The following DAB2IP variants were observed in gnomAD, a reference collection of about 807,000 sequenced individuals.
The protein encoded by DAB2IP is disabled homolog 2-interacting protein.
Under a neutral mutation model 107.2 loss-of-function variants are expected in DAB2IP, and 28 were observed. That is an observed-to-expected ratio of 0.26 (90% confidence interval 0.19 to 0.36). DAB2IP has a LOEUF of 0.36. Among genes scored for constraint, DAB2IP ranks in the 10% least tolerant of loss-of-function variants. The pLI, the probability that DAB2IP is intolerant of heterozygous loss-of-function variation, is 1.00. For missense variants in DAB2IP, 1,400 were observed against 1,644.7 expected (o/e 0.85, Z 2.57); for synonymous variants, 755 against 706.4 (o/e 1.07, Z -1.09).
At chr9:121,670,173 A>C (rs1345553464) in intron 1 of DAB2IP, among the ~76,000 whole-genome samples, 1 of 152,174 alleles carries the variant, frequency 6.6e-6, no homozygotes, top group Admixed American at 6.5e-5. Context: ...ATCATACACT[A>C]TGTGACCTTT....
At chr9:121,723,975 C>A (rs1016790289) in intron 3 of DAB2IP, among the ~76,000 whole-genome samples, 5 of 152,146 alleles carry the variant, frequency 3.3e-5, no homozygotes, top group African/African-American at 1.2e-4. Flanking sequence ...AGTCTTTCTG[C>A]CTTGGGAGCA....
At chr9:121,655,985 G>T (rs1301655332) in intron 1 of DAB2IP, among the ~76,000 whole-genome samples, 1 of 152,020 alleles carries the variant, frequency 6.6e-6, no homozygotes, top group African/African-American at 2.4e-5. Flanking sequence ...CACCATGGGG[G>T]GTGGGTAACT....
At chr9:121,611,133 G>A (rs377640800) in intron 1 of DAB2IP, among the ~76,000 whole-genome samples, 81 of 152,160 alleles carry the variant, frequency 5.3e-4, no homozygotes, top group Middle Eastern at 3.4e-3. Flanking sequence ...CTGCCACCAC[G>A]CCCGGCTAAT....
intron 1 of DAB2IP, among the ~76,000 whole-genome samples, chr9:121,677,669 C>T (rs374915397): frequency 2.6e-5 from 4 of 152,192 alleles, no homozygotes; most frequent in Admixed American, 1.3e-4. Context: ...CCTTTCCCCC[C>T]GCTTTTTTTT....
rs574522030 is a variant in DAB2IP at position 121,773,182 on chromosome 9, G to A, written c.2654G>A (p.Arg885Gln). The A allele has an allele frequency of 4.3e-5, 68 of 1,593,094 alleles. No individual in the cohort carries two copies. The South Asian group carries it at 4.5e-4, about 11-fold the overall frequency. ...ACTGCCGCGGAGGAGCTGGCTCGGC[G>A]GCCCGGTGAGCTGGCACGGCGACAG... The change falls in exon 12 of 16, where the codon CGG becomes CAG. Residue 885 changes from arginine (R) to glutamine (Q), a missense_variant. Arg to Gln is a conservative substitution (Grantham distance 43). Transcript: ENST00000408936.
chr9:121,697,204 TA>T (rs1369630628), intron 2 of DAB2IP, among the ~76,000 whole-genome samples: 2 of 152,148 alleles, frequency 1.3e-5, no homozygotes, highest in African/African-American at 4.8e-5. Context: ...CTTTTTTGTT[TA>T]AACTCAGAAA....
chr9:121,588,417 C>T (rs1757341), intron 1 of DAB2IP, among the ~76,000 whole-genome samples: 148,653 of 151,782 alleles, frequency 0.98, 72,874 homozygotes, highest in East Asian at 1. Context: ...GAGTGCTTCC[C>T]GTCCTCCTCA....
At chr9:121,588,737 C>A (rs1026262022) in intron 1 of DAB2IP, among the ~76,000 whole-genome samples, 1 of 151,954 alleles carries the variant, frequency 6.6e-6, no homozygotes, top group Non-Finnish European at 1.5e-5. Context: ...AGCTGGGATG[C>A]CCCTTCAGAG....
intron 2 of DAB2IP, among the ~76,000 whole-genome samples, chr9:121,693,466 T>A (rs60052709): frequency 1.1e-3 from 175 of 152,346 alleles, no homozygotes; most frequent in African/African-American, 4.0e-3. Context: ...TTTATTTAGA[T>A]GTGCTTTTGG....
At chr9:121,768,889 G>A (rs940514792) in intron 10 of DAB2IP, among the ~76,000 whole-genome samples, 63 of 152,240 alleles carry the variant, frequency 4.1e-4, no homozygotes, top group African/African-American at 1.5e-3. Flanking sequence ...TCAGCCTTTA[G>A]TGGACAAGCG....
At chr9:121,783,999 G>T (rs1382105814) in exon 16 of DAB2IP, 2 of 216,086 alleles carry the variant, frequency 9.3e-6, no homozygotes, top group Middle Eastern at 2.0e-3. Context: ...CAGCTGGAAT[G>T]TGCCACAGAG....
intron 1 of DAB2IP, among the ~76,000 whole-genome samples, chr9:121,593,804 A>T (rs150122055): frequency 0.039 from 5,925 of 151,424 alleles, 375 homozygotes; most frequent in African/African-American, 0.13. Context: ...AGTAGCTAGG[A>T]CTACAGGCAT....
upstream of DAB2IP, among the ~76,000 whole-genome samples, chr9:121,648,925 C>T (rs1270355198): frequency 2.0e-5 from 3 of 152,056 alleles, no homozygotes; most frequent in Non-Finnish European, 4.4e-5. Context: ...AGAGAGAAAG[C>T]CACAGGGGCG....
intron 3 of DAB2IP, among the ~76,000 whole-genome samples, chr9:121,744,202 C>CT (rs957521475): frequency 1.3e-5 from 2 of 152,190 alleles, no homozygotes; most frequent in South Asian, 2.1e-4. Flanking sequence ...CTCAGCAGAA[C>CT]TTTGTTTTTT....
intron 3 of DAB2IP, among the ~76,000 whole-genome samples, chr9:121,748,412 C>A (rs1435815920): frequency 6.6e-6 from 1 of 152,210 alleles, no homozygotes; most frequent in African/African-American, 2.4e-5. Context: ...CCAGCTTTCA[C>A]TTCTGGACCA....
intron 3 of DAB2IP, among the ~76,000 whole-genome samples, chr9:121,745,145 C>T (rs1030404969): frequency 5.3e-5 from 8 of 152,116 alleles, no homozygotes; most frequent in African/African-American, 1.4e-4. Flanking sequence ...CTTGGGAAGC[C>T]CCTGGAGGTG....
chr9:121,588,376 C>T (rs1348133092), intron 1 of DAB2IP, among the ~76,000 whole-genome samples: 1 of 151,948 alleles, frequency 6.6e-6, no homozygotes, highest in African/African-American at 2.4e-5. Flanking sequence ...AGACATTCTG[C>T]TGGGTCATTC....
Position 121,636,886 on chromosome 9 carries a change from ATTCTACAGAGT to A in DAB2IP, c.41-41791_41-41781del, listed in dbSNP as rs528294830. On this transcript the variant is annotated intron_variant, in intron 1 of 16. Coordinates refer to the DAB2IP transcript ENST00000259371. Reference sequence around the variant, plus strand: ...ACAGTTCTGGGAGGATAGTATTCAGATTCTACAGAGTGGGGAGTTTGGGCCCAGAGAGGTTA... The same window carrying A: ...ACAGTTCTGGGAGGATAGTATTCAGAGGGGAGTTTGGGCCCAGAGAGGTTA... Among the ~76,000 whole-genome samples the A allele has an allele frequency of 4.9e-3, 742 of 152,328 alleles. 6 individuals are homozygous for A. Among genetic ancestry groups the A allele is most frequent in the South Asian group, 0.019 (93 of 4,828 alleles).
chr9:121,745,251 TGTG>T (rs1832645392), intron 3 of DAB2IP, among the ~76,000 whole-genome samples: 1 of 151,958 alleles, frequency 6.6e-6, no homozygotes, highest in Non-Finnish European at 1.5e-5. Context: ...CTCACTGTGG[TGTG>T]GTGGGTGAGC....
Sources: allele counts gnomAD v4.1 joint callset (sites outside exome capture counted in the v4.1 genomes callset), GRCh38; gene constraint gnomAD v4.1.1; transcripts MANE v1.5; gene names NCBI Gene and HGNC (gene_info 2026-07-23, HGNC 2026-07-21).